The following PTPRN2 variants were observed in gnomAD, a reference collection of about 807,000 sequenced individuals.
PTPRN2 encodes receptor-type tyrosine-protein phosphatase N2.
Under a neutral mutation model 118.8 loss-of-function variants are expected in PTPRN2, and 74 were observed. That is an observed-to-expected ratio of 0.62 (90% CI 0.52 to 0.76). The LOEUF (loss-of-function observed/expected upper bound fraction) is 0.76. PTPRN2 is among the 30% of genes least tolerant of loss of function. The pLI is 0.00. For synonymous variants in PTPRN2, 641 were observed against 608.0 expected, an observed-to-expected ratio of 1.05 and a Z score of -0.80; for missense variants, 1,481 against 1,394.4, an observed-to-expected ratio of 1.06 and a Z score of -0.99.
At chr7:158,311,899 CCA>C (rs777487596) in intron 3 of PTPRN2, among the ~76,000 whole-genome samples, 13 of 131,836 alleles carry the variant, frequency 9.9e-5, no homozygotes, top group South Asian at 7.3e-4. Flanking sequence ...GTGTAGACAC[CCA>C]CACACGCACA....
chr7:158,220,559 C>A (rs893672578), intron 3 of PTPRN2, among the ~76,000 whole-genome samples: 7 of 152,030 alleles, frequency 4.6e-5, no homozygotes, highest in Non-Finnish European at 8.8e-5. Flanking sequence ...AAACTAATAT[C>A]ATTTCTACAC....
chr7:157,558,535 TGGA>T (rs1933656707), intron 21 of PTPRN2, among the ~76,000 whole-genome samples: 2 of 152,194 alleles, frequency 1.3e-5, no homozygotes, highest in South Asian at 2.1e-4. Flanking sequence ...ATTGAACAGG[TGGA>T]GGAGAACAGG....
chr7:158,370,895 A>G (rs1349268832), intron 2 of PTPRN2, among the ~76,000 whole-genome samples: 1 of 152,252 alleles, frequency 6.6e-6, no homozygotes, highest in African/African-American at 2.4e-5. Context: ...ACTAAATACC[A>G]CACAAAATTA....
chr7:158,458,644 T>A (rs1238199413), intron 2 of PTPRN2, among the ~76,000 whole-genome samples: 1 of 152,102 alleles, frequency 6.6e-6, no homozygotes, highest in Non-Finnish European at 1.5e-5. Flanking sequence ...ACCATGATCG[T>A]CCCCACTGCA....
At chr7:157,668,583 G>T (rs1326472929) in intron 13 of PTPRN2, among the ~76,000 whole-genome samples, 1 of 152,272 alleles carries the variant, frequency 6.6e-6, no homozygotes, top group Non-Finnish European at 1.5e-5. Flanking sequence ...TCTCCAGACT[G>T]GACGTGGCAC....
chr7:157,627,383 T>C lies in PTPRN2; in HGVS notation c.2197-5874A>G, dbSNP rs1803652952. Among the ~76,000 whole-genome samples the C allele has an allele frequency of 6.6e-6, 1 of 152,216 alleles. No homozygotes were observed. The highest frequency in any genetic ancestry group is 2.4e-5 in the African/African-American group (1 of 41,458). On this transcript the variant is annotated intron_variant, in intron 14 of 22. Coordinates refer to ENST00000389418, the MANE Select transcript of PTPRN2 (RefSeq NM_002847.5). This position sits in a 1 kb window ranked among gnomAD's most constrained non-coding sequence, Gnocchi z 4.2. ...GAAGGCGGGATTGCACCACAATGCG[T>C]GCTCACATCAGGAAATCCATGAAGA...
At chr7:158,121,858 C>T (rs769998429) in intron 9 of PTPRN2, among the ~76,000 whole-genome samples, 15 of 152,312 alleles carry the variant, frequency 9.8e-5, no homozygotes, top group East Asian at 3.9e-4. Flanking sequence ...AGGGGCATCA[C>T]GGCTCCTCTG....
chr7:158,440,250 T>C (rs1816891641), intron 2 of PTPRN2, among the ~76,000 whole-genome samples: 1 of 152,232 alleles, frequency 6.6e-6, no homozygotes, highest in African/African-American at 2.4e-5. Flanking sequence ...AGATACCAAA[T>C]GCTCCAGGTC....
At chr7:158,151,832 C>A (rs1026060724) in intron 6 of PTPRN2, among the ~76,000 whole-genome samples, 1 of 152,204 alleles carries the variant, frequency 6.6e-6, no homozygotes, top group African/African-American at 2.4e-5. Context: ...AAAGTCCTTG[C>A]TTTTGTGTGA....
Position 158,471,271 on chromosome 7 carries a change from G to A in PTPRN2, c.163+18464C>T, listed in dbSNP as rs143557617. On this transcript the variant is annotated intron_variant, in intron 2 of 22. Transcript: ENST00000389418. The stretch of plus-strand genomic sequence containing the variant: ...CCTCTCCTGAGCCAGCTCCCCTCCC[G>A]CCTCCCCCTCCTATGGACCACGCCC... Among the ~76,000 whole-genome samples, 883 of 136,486 alleles carry A rather than the reference G, an allele frequency of 6.5e-3. 9 individuals carry two copies. The highest frequency in any genetic ancestry group is 0.023 in the African/African-American group (839 of 36,644). 89.5% of individuals were successfully genotyped at this position (136,486 alleles called of 152,430 possible). A position where few individuals can be genotyped will look rare whatever the true frequency, so the allele number is the denominator to read the frequency against.
chr7:158,319,481 G>A (rs1451505516), intron 2 of PTPRN2, among the ~76,000 whole-genome samples: 5 of 30,328 alleles, frequency 1.6e-4, no homozygotes, highest in Admixed American at 1.1e-3. Flanking sequence ...CACAAGCACA[G>A]CCTCCCTCAC....
At chr7:158,468,079 TAC>T (rs754782227) in intron 2 of PTPRN2, among the ~76,000 whole-genome samples, 9 of 152,236 alleles carry the variant, frequency 5.9e-5, no homozygotes, top group Non-Finnish European at 1.0e-4. Context: ...GTGGCATTTT[TAC>T]AGTCTTCCTA....
chr7:157,568,804 T>G, intron 21 of PTPRN2, 98 bp downstream of exon 21: 1 of 1,320,442 alleles, frequency 7.6e-7, no homozygotes, highest in Non-Finnish European at 1.1e-6. Context: ...AAGCAGCGAA[T>G]TTTTTCCAGG....
At chr7:157,564,037 A>G (rs1012161485) in intron 21 of PTPRN2, among the ~76,000 whole-genome samples, 4 of 152,262 alleles carry the variant, frequency 2.6e-5, no homozygotes, top group African/African-American at 9.6e-5. Context: ...AAAAGTTAAG[A>G]GAATATAGGA....
At chr7:158,212,246 C>T (rs1033258224) in intron 3 of PTPRN2, among the ~76,000 whole-genome samples, 4 of 150,050 alleles carry the variant, frequency 2.7e-5, no homozygotes, top group African/African-American at 4.9e-5. Context: ...TGGCAGGGGG[C>T]GGGGGGCAAG....
At chr7:157,998,704 T>A (rs1157054843) in intron 11 of PTPRN2, among the ~76,000 whole-genome samples, 1 of 151,072 alleles carries the variant, frequency 6.6e-6, no homozygotes, top group Non-Finnish European at 1.5e-5. Context: ...GCACCTGCAA[T>A]CCCAGCTACT....
intron 9 of PTPRN2, among the ~76,000 whole-genome samples, chr7:158,122,838 C>T (rs967222933): frequency 4.7e-5 from 7 of 149,768 alleles, no homozygotes; most frequent in Middle Eastern, 3.5e-3. Context: ...GGACCTGTTG[C>T]GACCTACACT....
At chr7:157,659,327 CTGGGGGGGGACGACTGCGGGGA>C (rs1309519658) in intron 13 of PTPRN2, among the ~76,000 whole-genome samples, 15 of 80,810 alleles carry the variant, frequency 1.9e-4, no homozygotes, top group Non-Finnish European at 2.7e-4. Context: ...ACCCCGGGGA[CTGGGGGGGGACGACTGCGGGGA>C]TGGGGGGGGA....
chr7:157,809,241 C>G (rs993972323), intron 12 of PTPRN2, among the ~76,000 whole-genome samples: 9 of 151,842 alleles, frequency 5.9e-5, no homozygotes, highest in African/African-American at 2.2e-4. Context: ...CTGGAGGGGG[C>G]TCAGCCCTGA....
Sources: allele counts gnomAD v4.1 joint callset (sites outside exome capture counted in the v4.1 genomes callset), GRCh38; gene constraint gnomAD v4.1.1; non-coding constraint Gnocchi (gnomAD v3.1); transcripts MANE v1.5; gene names NCBI Gene and HGNC (gene_info 2026-07-23, HGNC 2026-07-21).